The following NRXN3 variants were observed in gnomAD, a reference collection of about 807,000 sequenced individuals.
NRXN3 encodes neurexin III.
Under a neutral mutation model 137.6 loss-of-function variants are expected in NRXN3, and 32 were observed. The observed-to-expected ratio is 0.23, with a 90% CI of 0.18 to 0.31. The LOEUF is 0.31. Among genes scored for constraint, NRXN3 ranks in the 10% least tolerant of loss-of-function variants. The pLI, the probability that NRXN3 is intolerant of heterozygous loss-of-function variation, is 1.00. For missense variants in NRXN3, 1,574 were observed against 2,062.5 expected, an observed-to-expected ratio of 0.76 and a Z score of 4.59; for synonymous variants, 798 against 784.5, an observed-to-expected ratio of 1.02 and a Z score of -0.29.
chr14:79,273,303 C>T (rs1031813911), intron 15 of NRXN3, among the ~76,000 whole-genome samples: 4 of 151,108 alleles, frequency 2.6e-5, no homozygotes, highest in Non-Finnish European at 5.9e-5. Context: ...ACTTTTCTCT[C>T]ATCTGGAGAA....
chr14:79,465,238 A>G (rs1410024577), intron 15 of NRXN3, among the ~76,000 whole-genome samples: 1 of 152,188 alleles, frequency 6.6e-6, no homozygotes, highest in East Asian at 1.9e-4. Flanking sequence ...GTAAATCATT[A>G]TAGCCACATT....
At chr14:79,430,469 G>A (rs2095733086) in intron 15 of NRXN3, among the ~76,000 whole-genome samples, 1 of 152,190 alleles carries the variant, frequency 6.6e-6, no homozygotes, top group Non-Finnish European at 1.5e-5. Context: ...GGTTTCCCAT[G>A]TGACTAGCCA....
rs768724930 is a variant in NRXN3 at position 78,243,114 on chromosome 14, G to A, written c.21G>A (p.Ser7=). The A allele has an allele frequency of 1.8e-5, 28 of 1,535,478 alleles. No homozygotes were observed. Among genetic ancestry groups the A allele is most frequent in the African/African-American group, 5.5e-5 (4 of 73,274 alleles). MSSTLH[S]VFFTLKVSIL... ...CGACAATGAGCTCCACACTCCACTC[G>A]GTTTTCTTCACCCTGAAGGTCAGCA... The change falls in exon 2 of 21, where the codon TCG becomes TCA. Residue 7 remains serine (S), a synonymous_variant. Coordinates refer to ENST00000335750, the MANE Select transcript of NRXN3 (RefSeq NM_001330195.2). This position sits in a 1 kb window ranked among gnomAD's most constrained non-coding sequence, Gnocchi z 4.2.
chr14:78,708,263 T>C (rs2098375396), intron 6 of NRXN3, among the ~76,000 whole-genome samples: 1 of 152,186 alleles, frequency 6.6e-6, no homozygotes, highest in South Asian at 2.1e-4. Context: ...GGGTAGGGCA[T>C]GGAGGCAGAA....
intron 15 of NRXN3, among the ~76,000 whole-genome samples, chr14:79,229,792 A>G (rs960855394): frequency 1.3e-5 from 2 of 152,070 alleles, no homozygotes; most frequent in Non-Finnish European, 2.9e-5. Flanking sequence ...GCTGCCAGCA[A>G]CAAGCCTGTG....
intron 19 of NRXN3, among the ~76,000 whole-genome samples, chr14:79,713,621 G>A (rs1344378825): frequency 4.7e-4 from 61 of 130,362 alleles, no homozygotes; most frequent in Non-Finnish European, 1.1e-4. Flanking sequence ...ACATATGTAT[G>A]TATATATAAA....
At chr14:79,736,763 G>A (rs985530987) in intron 19 of NRXN3, among the ~76,000 whole-genome samples, 1 of 152,140 alleles carries the variant, frequency 6.6e-6, no homozygotes, top group African/African-American at 2.4e-5. Context: ...TGACATAATG[G>A]GAGTACTAGA....
chr14:79,571,768 T>C (rs2097605443), intron 16 of NRXN3, among the ~76,000 whole-genome samples: 1 of 152,170 alleles, frequency 6.6e-6, no homozygotes, highest in Admixed American at 6.6e-5. Flanking sequence ...TTCAAGTCTG[T>C]AGTAGAAAAT....
chr14:79,624,476 G>T (rs919659192), intron 16 of NRXN3, among the ~76,000 whole-genome samples: 1 of 151,916 alleles, frequency 6.6e-6, no homozygotes, highest in African/African-American at 2.4e-5. Context: ...GAAATTACTA[G>T]TAGAGTCAAG....
At position 79,026,035 on chromosome 14, in the gene NRXN3, A is replaced by G. The variant is rs181312498; in HGVS notation, c.3262+37894A>G. Among the ~76,000 whole-genome samples the G allele has an allele frequency of 2.6e-5, 4 of 152,136 alleles. No homozygotes were observed. In the South Asian group the frequency reaches 6.2e-4, roughly 24 times the overall value. ...ATCGGTCAGCATTGGTCAGAATTAC[A>G]TAACATGTTACCCCTAGCTGCAAGG... is the stretch of plus-strand genomic sequence containing the variant. On this transcript the variant is annotated intron_variant, in intron 15 of 20. Coordinates refer to ENST00000335750, the MANE Select transcript of NRXN3 (RefSeq NM_001330195.2).
chr14:79,192,749 A>G (rs1318252635), intron 15 of NRXN3, among the ~76,000 whole-genome samples: 2 of 149,248 alleles, frequency 1.3e-5, no homozygotes, highest in Non-Finnish European at 3.0e-5. Flanking sequence ...GTAAAAAGAC[A>G]TGTACAATTC....
At position 78,454,083 on chromosome 14, in the gene NRXN3, A is replaced by G. The variant is rs140452197; in HGVS notation, c.757+156223A>G. Among the ~76,000 whole-genome samples the G allele has an allele frequency of 1.2e-3, 177 of 152,282 alleles. 2 individuals carry two copies. The East Asian group carries it at 0.023, about 20-fold the overall frequency. On this transcript the variant is annotated intron_variant, in intron 4 of 20. Coordinates refer to ENST00000335750, the MANE Select transcript of NRXN3 (RefSeq NM_001330195.2). ...TCCTCTCCTTTCCTTCTTTCAGTAA[A>G]TATTAGATGAGAGTCTACTGTGTGC...
intron 15 of NRXN3, among the ~76,000 whole-genome samples, chr14:79,046,633 A>G (rs1182896264): frequency 6.6e-6 from 1 of 152,174 alleles, no homozygotes; most frequent in African/African-American, 2.4e-5. Flanking sequence ...TCATCAGACA[A>G]TCAGTCTTGA....
At chr14:79,284,374 ATATATATATATG>A (rs1490841577) in intron 15 of NRXN3, among the ~76,000 whole-genome samples, 3 of 122,454 alleles carry the variant, frequency 2.4e-5, no homozygotes, top group Non-Finnish European at 4.8e-5. Flanking sequence ...ATATATATAT[ATATATATATATG>A]TATCTCCAAT....
At chr14:78,926,770 A>ATAAATATATATTATATAT (rs2099297131) in intron 10 of NRXN3, among the ~76,000 whole-genome samples, 10 of 44,882 alleles carry the variant, frequency 2.2e-4, no homozygotes, top group African/African-American at 1.4e-3. Flanking sequence ...TATTATATAT[A>ATAAATATATATTATATAT]TTATATATAT....
intron 4 of NRXN3, among the ~76,000 whole-genome samples, chr14:78,313,407 T>C (rs1303977569): frequency 6.6e-6 from 1 of 152,208 alleles, no homozygotes; most frequent in Non-Finnish European, 1.5e-5. Context: ...ACTACTTCTT[T>C]CTTAGAAATG....
chr14:79,364,978 C>A (rs146394942), intron 15 of NRXN3, among the ~76,000 whole-genome samples: 3 of 152,010 alleles, frequency 2.0e-5, no homozygotes, highest in Non-Finnish European at 2.9e-5. Context: ...CATTGACCTG[C>A]AATATTAGGT....
chr14:79,301,609 C>A (rs997475545), intron 15 of NRXN3, among the ~76,000 whole-genome samples: 25 of 151,984 alleles, frequency 1.6e-4, no homozygotes, highest in Non-Finnish European at 1.2e-4. Context: ...CAAACCCTTG[C>A]ACATCATCCC....
At position 78,517,911 on chromosome 14, in the gene NRXN3, G is replaced by A. The variant is rs182897731; in HGVS notation, c.758-127209G>A. Among the ~76,000 whole-genome samples the A allele has an allele frequency of 1.3e-3, 202 of 152,266 alleles. 2 individuals are homozygous for A. The highest frequency in any genetic ancestry group is 2.1e-4 in the South Asian group (1 of 4,822). ...AATCTGTAAAGTTGTCACTCCTCATGTATTTTCACTCAAGAAACCAGGGAT... is the reference window on the plus strand; with the variant it reads ...AATCTGTAAAGTTGTCACTCCTCATATATTTTCACTCAAGAAACCAGGGAT... On this transcript the variant is annotated intron_variant, in intron 4 of 20. Coordinates refer to ENST00000335750, the MANE Select transcript of NRXN3 (RefSeq NM_001330195.2).
Sources: gnomAD v4.1 joint callset for allele counts (sites outside exome capture counted in the v4.1 genomes callset) on GRCh38, gnomAD v4.1.1 for gene constraint, Gnocchi (gnomAD v3.1) non-coding constraint, MANE v1.5 for transcripts, NCBI Gene and HGNC (gene_info 2026-07-23, HGNC 2026-07-21) for gene names.